The following SLC37A3 variants were observed in gnomAD, a reference collection of about 807,000 sequenced individuals.
SLC37A3 encodes sugar phosphate exchanger 3.
SLC37A3 carries 51 observed loss-of-function variants against 67.1 expected under a neutral mutation model. That is an observed-to-expected ratio of 0.76 (90% confidence interval 0.61 to 0.96). SLC37A3 has a LOEUF of 0.96. Among genes scored for constraint, SLC37A3 ranks in the 40% least tolerant of loss-of-function variants. The probability of loss-of-function intolerance (pLI) is 0.00; values close to 1 mark genes in which losing one functional copy is unlikely to be tolerated. For synonymous variants in SLC37A3, 214 were observed against 231.4 expected (o/e 0.92, Z 0.68); for missense variants, 508 against 603.0 (o/e 0.84, Z 1.65).
intron 3 of SLC37A3, 139 bp downstream of exon 3, chr7:140,380,143 G>A: frequency 2.0e-6 from 1 of 489,074 alleles, no homozygotes; most frequent in Non-Finnish European, 3.7e-6. Flanking sequence ...AATTAGAATA[G>A]TTTGGCTCTT....
chr7:140,348,462 CTTTTTTT>C, intron 10 of SLC37A3, 157 bp downstream of exon 10: 1 of 363,180 alleles, frequency 2.8e-6, no homozygotes, highest in South Asian at 7.2e-5. Flanking sequence ...CTTTTCTTTT[CTTTTTTT>C]TTTTTTTTTG....
At chr7:140,340,285 A>G (rs1585247351) in intron 13 of SLC37A3, among the ~76,000 whole-genome samples, 2 of 144,174 alleles carry the variant, frequency 1.4e-5, no homozygotes, top group African/African-American at 2.6e-5. Flanking sequence ...TTAGGGTCCA[A>G]CCTCATTCTT....
intron 3 of SLC37A3, among the ~76,000 whole-genome samples, chr7:140,374,914 G>A (rs74652425): frequency 0.011 from 1,681 of 152,170 alleles, 105 homozygotes; most frequent in Admixed American, 0.097. Context: ...TTGGGAGGCC[G>A]AGGTGGGGGT....
chr7:140,378,239 A>C (rs1798109150), intron 3 of SLC37A3, among the ~76,000 whole-genome samples: 2 of 152,224 alleles, frequency 1.3e-5, no homozygotes, highest in African/African-American at 4.8e-5. Flanking sequence ...TGTTTTGCCT[A>C]AACAGAAACT....
chr7:140,348,134 C>A (rs1390103987), intron 10 of SLC37A3, among the ~76,000 whole-genome samples: 2 of 152,128 alleles, frequency 1.3e-5, no homozygotes, highest in South Asian at 4.1e-4. Context: ...GTAACTGAAA[C>A]TTCGAAAAGT....
At position 140,357,144 on chromosome 7, in the gene SLC37A3, G is replaced by A. The variant is rs538629251; in HGVS notation, c.522-1380C>T. On this transcript the variant is annotated intron_variant, in intron 6 of 14. Transcript: ENST00000326232. ...AAGGAGAATTGCTTGAACCCAGGAG[G>A]TGGAGGCTGAGGTGAGCCGAGATCA... Among the ~76,000 whole-genome samples, 6 of 152,204 alleles carry A rather than the reference G, an allele frequency of 3.9e-5. No homozygotes were observed. In the East Asian group the frequency reaches 7.7e-4, roughly 20 times the overall value.
In SLC37A3 at chr7:140,351,341, C is replaced by A; in HGVS notation, c.814G>T (p.Asp272Tyr). Reference protein sequence around the residue: ...EYEPNYSIQDDSSVAQVKAIS... With the variant: ...EYEPNYSIQDYSSVAQVKAIS... The stretch of plus-strand genomic sequence containing the variant: ...GCCTTGACTTGGGCAACAGAACTAT[C>A]ATCTTGGATTGAATAATTCGGCTCA... Residue 272 changes from aspartate (D) to tyrosine (Y), a missense_variant, in exon 9 of 15, where the codon GAT (aspartate) becomes TAT (tyrosine). Asp to Tyr is a radical substitution (Grantham distance 160). Transcript: ENST00000326232. The A allele has an allele frequency of 6.2e-7, 1 of 1,614,150 alleles. No homozygotes were observed. The highest frequency in any genetic ancestry group is 8.5e-7 in the Non-Finnish European group (1 of 1,180,014).
intron 13 of SLC37A3, among the ~76,000 whole-genome samples, chr7:140,338,012 T>G (rs995465225): frequency 2.6e-5 from 4 of 151,770 alleles, no homozygotes; most frequent in Admixed American, 2.6e-4. Flanking sequence ...TGCCTCAGCC[T>G]CCCGAGCAGC....
chr7:140,369,954 T>C (rs1006811263), intron 3 of SLC37A3, among the ~76,000 whole-genome samples: 9 of 151,962 alleles, frequency 5.9e-5, no homozygotes, highest in African/African-American at 2.2e-4. Flanking sequence ...CTACTAAAAA[T>C]ACAAAATTAG....
intron 7 of SLC37A3, among the ~76,000 whole-genome samples, chr7:140,353,724 T>C (rs1238394274): frequency 6.6e-6 from 1 of 152,030 alleles, no homozygotes; most frequent in African/African-American, 2.4e-5. Context: ...TGTTTTGTTT[T>C]TTTTTTGATA....
chr7:140,344,384 C>T (rs1334900015), intron 12 of SLC37A3, among the ~76,000 whole-genome samples: 1 of 151,870 alleles, frequency 6.6e-6, no homozygotes, highest in East Asian at 1.9e-4. Context: ...GCTGAGATCG[C>T]ACCACTGCAC....
intron 1 of SLC37A3, 83 bp downstream of exon 1, chr7:140,398,333 C>T (rs1183330574): frequency 6.6e-6 from 1 of 152,276 alleles, no homozygotes; most frequent in Non-Finnish European, 1.5e-5. Context: ...CTCCCCACCG[C>T]CCTCCCGACC....
At chr7:140,390,933 T>C (rs966279078) in intron 1 of SLC37A3, among the ~76,000 whole-genome samples, 2 of 152,150 alleles carry the variant, frequency 1.3e-5, no homozygotes, top group African/African-American at 4.8e-5. Flanking sequence ...GTGCCCTTCC[T>C]TGTCTCTGTC....
Position 140,358,708 on chromosome 7 carries a change from G to A in SLC37A3, c.453C>T (p.Asn151=), listed in dbSNP as rs142313913. 132 of 1,614,108 alleles carry A rather than the reference G, an allele frequency of 8.2e-5. No individual in the cohort carries two copies. In the African/African-American group the frequency reaches 1.1e-3, roughly 14 times the overall value. The change falls in exon 6 of 15, where the codon AAC becomes AAT. Residue 151 remains asparagine (N), a synonymous_variant. Transcript: ENST00000326232. ...KWLYCCLWIV[N]GLLQSTGWPC... ...GCCAACCAGTGGACTGCAGCAGGCC[G>A]TTCACAATCCACAGGCAGCAGTACA...
chr7:140,380,698 C>T (rs959124696), intron 2 of SLC37A3, among the ~76,000 whole-genome samples: 7 of 151,954 alleles, frequency 4.6e-5, no homozygotes, highest in African/African-American at 9.7e-5. Flanking sequence ...CACTCTACCA[C>T]GCCCAGTGCA....
At chr7:140,335,709 A>T (rs1446310726) in intron 14 of SLC37A3, among the ~76,000 whole-genome samples, 9 of 152,258 alleles carry the variant, frequency 5.9e-5, no homozygotes, top group Non-Finnish European at 1.0e-4. Context: ...CAGTTCCCAA[A>T]AAAAGAACAA....
At chr7:140,368,094 G>A (rs1049024097) in intron 4 of SLC37A3, among the ~76,000 whole-genome samples, 2 of 151,854 alleles carry the variant, frequency 1.3e-5, no homozygotes, top group Admixed American at 6.6e-5. Context: ...GATTACAGGC[G>A]TGGGCCACCG....
In SLC37A3 at chr7:140,345,922, G is replaced by A. The variant is rs140397808; in HGVS notation, c.1073C>T (p.Pro358Leu). 52 of 1,613,878 alleles carry A rather than the reference G, an allele frequency of 3.2e-5. No homozygotes were observed. The highest frequency in any genetic ancestry group is 3.3e-4 in the Middle Eastern group (2 of 6,082). ...FISDVLQKRA[P>L]VLALSLLLAV... ...CAGAAGCAGACTCAGGGCAAGAACC[G>A]GCGCTCTCTTCTGTAGTACATCAGA... The change falls in exon 11 of 15, where the codon CCG (proline) becomes CTG (leucine). Residue 358 changes from proline (P) to leucine (L), a missense_variant. Physicochemically the swap from Pro to Leu is moderately conservative, Grantham distance 98 (BLOSUM62 -3). Transcript: ENST00000326232.
At chr7:140,365,499 T>C (rs1585317354) in intron 4 of SLC37A3, among the ~76,000 whole-genome samples, 5 of 152,120 alleles carry the variant, frequency 3.3e-5, no homozygotes, top group African/African-American at 1.2e-4. Flanking sequence ...GGCAGGTGGA[T>C]CACCTGAGGT....
Sources: gnomAD v4.1 joint callset for allele counts (sites outside exome capture counted in the v4.1 genomes callset) on GRCh38, gnomAD v4.1.1 for gene constraint, MANE v1.5 for transcripts, NCBI Gene and HGNC (gene_info 2026-07-23, HGNC 2026-07-21) for gene names.